Variants in MLYCD observed in about 807,000 individuals in gnomAD.
MLYCD encodes the protein malonyl-CoA decarboxylase, mitochondrial.
A neutral mutation model predicts 35.8 loss-of-function variants in MLYCD; 27 were observed. That is an observed-to-expected ratio of 0.75 (90% confidence interval 0.56 to 1.04). The LOEUF is 1.04. Ranked by LOEUF, MLYCD falls within the 50% of genes least tolerant of loss-of-function variation. The pLI is 0.00. For synonymous variants in MLYCD, 403 were observed against 302.4 expected (o/e 1.33, Z -3.45); for missense variants, 917 against 665.1 (o/e 1.38, Z -4.17).
rs1009340739 is a variant in MLYCD at position 83,899,669 on chromosome 16, C to G, written c.525C>G (p.Val175=). ...QALKLVEGPD[V]REMNGVLKGM... ...TCAAGCTGGTGGAGGGGCCGGACGT[C>G]CGGGTAAGGGGCCGCCGTCGATCCC... The change falls in exon 1 of 5, where the codon GTC becomes GTG. Residue 175 remains valine, a synonymous_variant. Coordinates refer to ENST00000262430, the MANE Select transcript of MLYCD (RefSeq NM_012213.3). The G allele has an allele frequency of 1.3e-6, 2 of 1,523,256 alleles. No homozygotes were observed. The highest frequency in any genetic ancestry group is 2.8e-5 in the African/African-American group (2 of 70,994). The allele number at this position is 1,523,256 out of a possible 1,614,324, so 94.4% of individuals were successfully genotyped here.
rs183074041 is a variant in MLYCD at position 83,902,319 on chromosome 16, C to T, written c.528+2647C>T. On this transcript the variant is annotated intron_variant, in intron 1 of 4. Coordinates refer to ENST00000262430, the MANE Select transcript of MLYCD (RefSeq NM_012213.3). ...CCTCAAGCAAGCAATCCTCCAATCC[C>T]AAGTGCTGGGATTATAGATAGGTGT... is the stretch of plus-strand genomic sequence containing the variant. Among the ~76,000 whole-genome samples the T allele has an allele frequency of 4.4e-4, 66 of 150,880 alleles. 1 individual carries two copies. The East Asian group carries it at 0.01, about 24-fold the overall frequency.
chr16:83,913,272 C>G (rs558557602), intron 4 of MLYCD: 2 of 152,218 alleles, frequency 1.3e-5, no homozygotes, highest in African/African-American at 2.4e-5. Flanking sequence ...AACAATGAGC[C>G]GTAGCTCATT....
At chr16:83,900,052 C>T (rs569296753) in intron 1 of MLYCD, among the ~76,000 whole-genome samples, 1 of 152,320 alleles carries the variant, frequency 6.6e-6, no homozygotes, top group African/African-American at 2.4e-5. Context: ...GAGCATCAGG[C>T]AGCCTTCTGA....
chr16:83,921,876 C>T lies in MLYCD; in HGVS notation c.*6387C>T, dbSNP rs1907667151. On this transcript the variant is annotated 3_prime_UTR_variant, in exon 5 of 5. Transcript: ENST00000262430. ...GAGGGTGATAGGCTACTCACTGGGT[C>T]CTAGTGTTCTGAACTACACCCTACA... 6.6e-6 allele frequency: 1 copy of T among 152,260 alleles called. No homozygotes were observed. Among genetic ancestry groups the T allele is most frequent in the Admixed American group, 6.5e-5 (1 of 15,290 alleles). 9.4% of individuals were successfully genotyped at this position (152,260 alleles called of 1,614,324 possible).
intron 3 of MLYCD, 39 bp from the exon 4 acceptor site, chr16:83,912,179 G>A (rs775672885): frequency 1.1e-5 from 18 of 1,613,738 alleles, no homozygotes; most frequent in East Asian, 6.7e-5. Flanking sequence ...GCTGCAGAGC[G>A]GCCAGGCCAC....
chr16:83,903,976 T>C (rs1906886706), intron 1 of MLYCD, among the ~76,000 whole-genome samples: 1 of 152,200 alleles, frequency 6.6e-6, no homozygotes, highest in Non-Finnish European at 1.5e-5. Context: ...CATCCCAGCC[T>C]GAACAGCTGC....
chr16:83,911,988 A>G, intron 3 of MLYCD: 1 of 571,102 alleles, frequency 1.8e-6, no homozygotes, highest in Admixed American at 3.0e-5. Context: ...AATTTCAAGA[A>G]ACGATGCAGT....
In MLYCD at chr16:83,915,585, A is replaced by C. The variant is rs1466007733; in HGVS notation, c.*96A>C. The C allele has an allele frequency of 1.9e-6, 3 of 1,550,022 alleles. No individual in the cohort carries two copies. Among genetic ancestry groups the C allele is most frequent in the Non-Finnish European group, 2.6e-6 (3 of 1,155,574 alleles). The stretch of plus-strand genomic sequence containing the variant: ...TGTATCTGAAGCAGCTTTCCAAGCA[A>C]AGCCAAAGTTGACTGTGTTCTTGTC... On this transcript the variant is annotated 3_prime_UTR_variant, in exon 5 of 5. Coordinates refer to ENST00000262430, the MANE Select transcript of MLYCD (RefSeq NM_012213.3).
In MLYCD at chr16:83,916,362, A is replaced by G. The variant is rs953534370; in HGVS notation, c.*873A>G. On this transcript the variant is annotated 3_prime_UTR_variant, in exon 5 of 5. Coordinates refer to ENST00000262430, the MANE Select transcript of MLYCD (RefSeq NM_012213.3). Reference sequence around the variant, plus strand: ...GGAAGGCAGTTGTGTTTGTGTGTGTATGTGTGTATCAGTGCACATCTGTGT... The same window carrying G: ...GGAAGGCAGTTGTGTTTGTGTGTGTGTGTGTGTATCAGTGCACATCTGTGT... 2.5e-4 allele frequency: 50 copies of G among 203,866 alleles called. No individual in the cohort carries two copies. Among genetic ancestry groups the G allele is most frequent in the Non-Finnish European group, 3.6e-4 (42 of 116,688 alleles). The allele number at this position is 203,866 out of a possible 1,614,324, so 12.6% of individuals were successfully genotyped here.
intron 1 of MLYCD, among the ~76,000 whole-genome samples, chr16:83,901,133 T>C (rs1301017656): frequency 6.6e-6 from 1 of 152,220 alleles, no homozygotes; most frequent in Non-Finnish European, 1.5e-5. Flanking sequence ...CAGGCATCTT[T>C]GGCCGTAAGA....
In MLYCD at chr16:83,921,749, C is replaced by T. The variant is rs913270757; in HGVS notation, c.*6260C>T. 4 of 152,176 alleles carry T rather than the reference C, an allele frequency of 2.6e-5. No individual in the cohort carries two copies. Among genetic ancestry groups the T allele is most frequent in the African/African-American group, 9.7e-5 (4 of 41,422 alleles). 9.4% of individuals were successfully genotyped at this position (152,176 alleles called of 1,614,324 possible). A position where few individuals can be genotyped will look rare whatever the true frequency, so the allele number is the denominator to read the frequency against. The stretch of plus-strand genomic sequence containing the variant: ...GGTGGCTTCCAGCTCCTCGCTTTTC[C>T]TGAGGGATGATCTGACCACCCATTC... On this transcript the variant is annotated 3_prime_UTR_variant, in exon 5 of 5. Coordinates refer to ENST00000262430, the MANE Select transcript of MLYCD (RefSeq NM_012213.3).
At chr16:83,901,991 C>G (rs531393920) in intron 1 of MLYCD, among the ~76,000 whole-genome samples, 18 of 151,872 alleles carry the variant, frequency 1.2e-4, no homozygotes, top group African/African-American at 4.3e-4. Flanking sequence ...TTATTGTGCC[C>G]CTTCCATTTC....
chr16:83,906,396 ACAAAAATGCTGC>A (rs1371532505), intron 1 of MLYCD, among the ~76,000 whole-genome samples: 1 of 152,080 alleles, frequency 6.6e-6, no homozygotes, highest in Non-Finnish European at 1.5e-5. Flanking sequence ...GTCTCTTAAA[ACAAAAATGCTGC>A]CAATTAGTCT....
chr16:83,914,710 T>C (rs973997063), intron 4 of MLYCD: 1 of 521,554 alleles, frequency 1.9e-6, no homozygotes, highest in African/African-American at 1.9e-5. Flanking sequence ...ACCCAGGAGA[T>C]GGAGGCTGCA....
Position 83,920,900 on chromosome 16 carries a change from AGATGGATGGATGGATGGATGGATGGATG to A in MLYCD, c.*5428_*5455del, listed in dbSNP as rs111265343. 6.8e-6 allele frequency: 1 copy of A among 146,294 alleles called. No individual in the cohort carries two copies. The highest frequency in any genetic ancestry group is 1.5e-5 in the Non-Finnish European group (1 of 66,174). The allele number at this position is 146,294 out of a possible 1,614,324, so 9.1% of individuals were successfully genotyped here. On this transcript the variant is annotated 3_prime_UTR_variant, in exon 5 of 5. Coordinates refer to ENST00000262430, the MANE Select transcript of MLYCD (RefSeq NM_012213.3). Reference sequence around the variant, plus strand: ...TTAGATGGATGGATGGAAGGAAGGAAGATGGATGGATGGATGGATGGATGGATGGATGGATGGATGGATGACAGATGGA... The same window carrying A: ...TTAGATGGATGGATGGAAGGAAGGAAGATGGATGGATGGATGACAGATGGA...
chr16:83,906,445 A>G (rs1242999873), intron 1 of MLYCD, among the ~76,000 whole-genome samples: 1 of 152,222 alleles, frequency 6.6e-6, no homozygotes, highest in Non-Finnish European at 1.5e-5. Flanking sequence ...CGAAAGATGC[A>G]TCCTGACTTG....
chr16:83,913,296 C>T (rs1907246793), intron 4 of MLYCD: 1 of 152,300 alleles, frequency 6.6e-6, no homozygotes, highest in Non-Finnish European at 1.5e-5. Context: ...ACAGTTTCCT[C>T]ATTCCTCTGT....
In MLYCD at chr16:83,926,681, A is replaced by G. The variant is rs1907817660; in HGVS notation, c.*11192A>G. The G allele has an allele frequency of 6.6e-6, 1 of 152,254 alleles. No individual in the cohort carries two copies. 9.4% of individuals were successfully genotyped at this position (152,254 alleles called of 1,614,324 possible). On this transcript the variant is annotated 3_prime_UTR_variant, in exon 5 of 5. Coordinates refer to ENST00000262430, the MANE Select transcript of MLYCD (RefSeq NM_012213.3). ...TCCTTCAGGGGCTGTGGGGATCTCA[A>G]AAGATAAGGCAGGTCTGGAGTCCTG... is the stretch of plus-strand genomic sequence containing the variant.
At chr16:83,911,143 AT>A (rs1440707009) in intron 3 of MLYCD, among the ~76,000 whole-genome samples, 1 of 151,472 alleles carries the variant, frequency 6.6e-6, no homozygotes, top group Non-Finnish European at 1.5e-5. Context: ...TGCCCGGCTC[AT>A]TTTTTTTGTA....
Sources: allele counts gnomAD v4.1 joint callset (sites outside exome capture counted in the v4.1 genomes callset), GRCh38; gene constraint gnomAD v4.1.1; transcripts MANE v1.5; gene names NCBI Gene and HGNC (gene_info 2026-07-23, HGNC 2026-07-21).